The following KAT6B variants were observed in gnomAD, a reference collection of about 807,000 sequenced individuals.
KAT6B encodes histone acetyltransferase KAT6B.
Under a neutral mutation model 187.5 loss-of-function variants are expected in KAT6B, and 10 were observed. The ratio of observed to expected loss-of-function variants is 0.05; its 90% CI spans 0.03 to 0.09. The LOEUF (loss-of-function observed/expected upper bound fraction) is 0.09. KAT6B is among the 10% of genes least tolerant of loss of function. The probability of loss-of-function intolerance (pLI) is 1.00; values close to 1 mark genes in which losing one functional copy is unlikely to be tolerated. For missense variants in KAT6B, 1,952 were observed against 2,558.9 expected (o/e 0.76, Z 5.12); for synonymous variants, 861 against 926.8 (o/e 0.93, Z 1.29).
At chr10:74,912,564 T>C (rs1847322094) in intron 3 of KAT6B, among the ~76,000 whole-genome samples, 1 of 152,196 alleles carries the variant, frequency 6.6e-6, no homozygotes. Flanking sequence ...GTCTGTATTG[T>C]AGAAAGCTTA....
At chr10:74,854,146 A>G (rs951316935) in intron 3 of KAT6B, among the ~76,000 whole-genome samples, 8 of 152,222 alleles carry the variant, frequency 5.3e-5, no homozygotes, top group East Asian at 1.9e-4. Context: ...ATAAACATCA[A>G]TTAGCTCACC....
At chr10:74,920,868 C>A (rs1206236309) in intron 3 of KAT6B, among the ~76,000 whole-genome samples, 1 of 152,078 alleles carries the variant, frequency 6.6e-6, no homozygotes, top group Non-Finnish European at 1.5e-5. Flanking sequence ...GTGGGATGGC[C>A]CCAATTAGAC....
intron 3 of KAT6B, among the ~76,000 whole-genome samples, chr10:74,942,765 CAAAAAAAA>C (rs56276008): frequency 0.011 from 104 of 9,350 alleles, no homozygotes; most frequent in Non-Finnish European, 0.024. Context: ...AACTCCATCG[CAAAAAAAA>C]AAAAAAAAAA....
intron 11 of KAT6B, 65 bp downstream of exon 11, chr10:74,981,993 T>G (rs1842545876): frequency 7.0e-7 from 1 of 1,429,990 alleles, no homozygotes; most frequent in Admixed American, 1.7e-5. Flanking sequence ...GTTGACTATG[T>G]GCTGATTTGT....
intron 4 of KAT6B, among the ~76,000 whole-genome samples, chr10:74,968,863 A>C (rs1268659470): frequency 1.3e-5 from 2 of 152,116 alleles, no homozygotes; most frequent in Non-Finnish European, 2.9e-5. Context: ...GGCTCCTTTG[A>C]ATGGCATTGC....
intron 3 of KAT6B, among the ~76,000 whole-genome samples, chr10:74,868,626 C>T (rs574312072): frequency 6.6e-6 from 1 of 152,250 alleles, no homozygotes; most frequent in South Asian, 2.1e-4. Context: ...TTTAATTTCT[C>T]CAGTTTAGTC....
At chr10:74,916,105 T>A (rs549930037) in intron 3 of KAT6B, among the ~76,000 whole-genome samples, 1 of 152,250 alleles carries the variant, frequency 6.6e-6, no homozygotes, top group South Asian at 2.1e-4. Context: ...GAGGTTGCAG[T>A]GAGCTGAGAT....
chr10:74,991,883 T>C (rs1843142673), intron 13 of KAT6B, among the ~76,000 whole-genome samples: 1 of 152,194 alleles, frequency 6.6e-6, no homozygotes, highest in Non-Finnish European at 1.5e-5. Flanking sequence ...AAGAAATTAA[T>C]AGCACCTTCT....
At chr10:74,963,194 A>G (rs888411679) in intron 4 of KAT6B, among the ~76,000 whole-genome samples, 4 of 152,206 alleles carry the variant, frequency 2.6e-5, no homozygotes, top group Non-Finnish European at 4.4e-5. Context: ...GTTAGAAATG[A>G]TTTTACTTGA....
chr10:74,924,086 C>G (rs1178629581), intron 3 of KAT6B, among the ~76,000 whole-genome samples: 1 of 152,080 alleles, frequency 6.6e-6, no homozygotes, highest in Non-Finnish European at 1.5e-5. Flanking sequence ...GCCTGAATAA[C>G]TGGAAGGATG....
intron 13 of KAT6B, among the ~76,000 whole-genome samples, chr10:75,002,345 TTC>T (rs576632421): frequency 4.0e-5 from 6 of 151,174 alleles, no homozygotes; most frequent in African/African-American, 4.9e-5. Flanking sequence ...TTATTTAGTT[TTC>T]TCTCTCTCTC....
At chr10:74,839,318 C>T (rs1186515491) in intron 2 of KAT6B, among the ~76,000 whole-genome samples, 1 of 151,072 alleles carries the variant, frequency 6.6e-6, no homozygotes, top group Non-Finnish European at 1.5e-5. Context: ...GCAACCTCTG[C>T]CTCCTGGGTT....
intron 1 of KAT6B, among the ~76,000 whole-genome samples, chr10:74,828,687 C>T (rs1840479329): frequency 2.0e-5 from 3 of 151,288 alleles, no homozygotes; most frequent in Admixed American, 2.0e-4. Flanking sequence ...CCTGCCTCAG[C>T]CTCCGGAGTA....
At chr10:74,938,343 C>A (rs1849408932) in intron 3 of KAT6B, among the ~76,000 whole-genome samples, 1 of 151,066 alleles carries the variant, frequency 6.6e-6, no homozygotes, top group Admixed American at 6.6e-5. Flanking sequence ...ATCCTCCCCA[C>A]CCCCCAGCTA....
At chr10:74,951,652 T>G (rs1475738992) in intron 3 of KAT6B, among the ~76,000 whole-genome samples, 1 of 152,182 alleles carries the variant, frequency 6.6e-6, no homozygotes, top group Non-Finnish European at 1.5e-5. Context: ...GATTTTAAAA[T>G]TTTGGTCCCG....
chr10:74,976,035 A>T lies in KAT6B; in HGVS notation c.1698A>T (p.Ala566=). The change falls in exon 8 of 18, where the codon GCA becomes GCT. Residue 566 remains alanine (A), a synonymous_variant. Transcript: ENST00000287239. The stretch of plus-strand genomic sequence containing the variant: ...GCAAAAAGGGACACCCGAGTTATGC[A>T]CCACCCAAACGTATGCGTCGTAAAA... ...QSRKKGHPSY[A]PPKRMRRKTE... The T allele has an allele frequency of 1.2e-6, 2 of 1,614,156 alleles. No individual in the cohort carries two copies. Among genetic ancestry groups the T allele is most frequent in the Non-Finnish European group, 1.7e-6 (2 of 1,180,038 alleles).
At position 74,989,092 on chromosome 10, in the gene KAT6B, G is replaced by C; in HGVS notation, c.2609G>C (p.Gly870Ala). 1 of 1,613,444 alleles carries C rather than the reference G, an allele frequency of 6.2e-7. No individual in the cohort carries two copies. Among genetic ancestry groups the C allele is most frequent in the Non-Finnish European group, 8.5e-7 (1 of 1,179,342 alleles). Reference sequence around the variant, plus strand: ...CCCCAGCACCAAAGGCAAGGATTTGGACGGTTTCTCATTGATTTCAGTAAG... The same window carrying C: ...CCCCAGCACCAAAGGCAAGGATTTGCACGGTTTCTCATTGATTTCAGTAAG... ...IMPQHQRQGF[G>A]RFLIDFSYLL... The change falls in exon 13 of 18, where the codon GGA (glycine) becomes GCA (alanine). Residue 870 changes from glycine (G) to alanine (A), a missense_variant. Around this residue, in one of 9 missense-constraint regions of KAT6B, gnomAD observed 87 missense variants for 191.8 expected, o/e 0.45. Transcript: ENST00000287239.
At chr10:74,942,753 G>A (rs747373603) in intron 3 of KAT6B, among the ~76,000 whole-genome samples, 89 of 75,210 alleles carry the variant, frequency 1.2e-3, no homozygotes, top group Non-Finnish European at 1.8e-3. Context: ...CAACAAGAGC[G>A]AAACTCCATC....
chr10:75,023,488 A>G (rs1219642842), intron 16 of KAT6B: 1 of 152,244 alleles, frequency 6.6e-6, no homozygotes, highest in Admixed American at 6.5e-5. Context: ...TTCTAAAACT[A>G]TCAAAAACCA....
Sources: gnomAD v4.1 joint callset for allele counts (sites outside exome capture counted in the v4.1 genomes callset) on GRCh38, gnomAD v4.1.1 for gene constraint, gnomAD v4.1.1 regional missense constraint, MANE v1.5 for transcripts, NCBI Gene and HGNC (gene_info 2026-07-23, HGNC 2026-07-21) for gene names.